The following FDX1 variants were observed in gnomAD, a reference collection of about 807,000 sequenced individuals.
FDX1 encodes the protein ferredoxin 1.
Under a neutral mutation model 14.9 loss-of-function variants are expected in FDX1, and 9 were observed. The ratio of observed to expected loss-of-function variants is 0.60; its 90% confidence interval spans 0.36 to 1.05. The LOEUF (loss-of-function observed/expected upper bound fraction) is 1.05, where lower values mean the gene tolerates loss of function less well. FDX1 is among the 50% of genes least tolerant of loss of function. FDX1 has a pLI of 0.01. For synonymous variants in FDX1, 92 were observed against 99.4 expected (o/e 0.93, Z 0.44); for missense variants, 204 against 237.2 (o/e 0.86, Z 0.92).
At chr11:110,456,095 T>C (rs922041478) in intron 2 of FDX1, among the ~76,000 whole-genome samples, 1 of 152,176 alleles carries the variant, frequency 6.6e-6, no homozygotes. Flanking sequence ...AGGATAAATA[T>C]TCTGATTATT....
chr11:110,452,238 T>C (rs1328928415), intron 2 of FDX1, among the ~76,000 whole-genome samples: 3 of 151,816 alleles, frequency 2.0e-5, no homozygotes, highest in Admixed American at 2.0e-4. Context: ...AAAAATAAAT[T>C]AGAGTTCATC....
At position 110,434,929 on chromosome 11, in the gene FDX1, A is replaced by AT. The variant is rs572794098; in HGVS notation, c.186-899dup. On this transcript the variant is annotated intron_variant, in intron 1 of 3. Transcript: ENST00000260270. Reference sequence around the variant, plus strand: ...CTACAACCATCTCATTTTTATTTTTATTTTTTGTAGCAATAGGGTCTCTCT... The same window carrying AT: ...CTACAACCATCTCATTTTTATTTTTATTTTTTTGTAGCAATAGGGTCTCTCT... Among the ~76,000 whole-genome samples the AT allele has an allele frequency of 4.5e-3, 684 of 150,902 alleles. 7 individuals carry two copies. Among genetic ancestry groups the AT allele is most frequent in the Middle Eastern group, 0.021 (6 of 292 alleles).
At position 110,457,038 on chromosome 11, in the gene FDX1, T is replaced by A. The variant is rs771660409; in HGVS notation, c.431T>A (p.Leu144Gln). The A allele has an allele frequency of 1.9e-6, 3 of 1,610,278 alleles. No individual in the cohort carries two copies. The highest frequency in any genetic ancestry group is 8.5e-7 in the Non-Finnish European group (1 of 1,177,674). Residue 144 changes from leucine to glutamine, a missense_variant, in exon 3 of 4, where the codon CTA becomes CAA. Physicochemically the swap from Leu to Gln is moderately radical, Grantham distance 113. Coordinates refer to ENST00000260270, the MANE Select transcript of FDX1 (RefSeq NM_004109.5). ...GACATGCTCGATCTGGCATATGGAC[T>A]AACAGACAGGTAAGATTTTTGGACT... ...ENDMLDLAYGLTDRSRLGCQI... is the reference protein window; with the variant it reads ...ENDMLDLAYGQTDRSRLGCQI...
chr11:110,429,818 A>C (rs959750898), upstream of FDX1: 5 of 257,744 alleles, frequency 1.9e-5, no homozygotes, highest in Admixed American at 1.6e-4. Flanking sequence ...TCCAGCTTAC[A>C]ACGGAACCTG....
chr11:110,430,923 C>T (rs57372707), intron 1 of FDX1, among the ~76,000 whole-genome samples: 1 of 152,234 alleles, frequency 6.6e-6, no homozygotes, highest in Non-Finnish European at 1.5e-5. Context: ...GGCTTTGGCA[C>T]TGATTGTCTG....
At chr11:110,431,101 TAGCAGCAGCAGCAGC>T (rs35673502) in intron 1 of FDX1, among the ~76,000 whole-genome samples, 37 of 151,110 alleles carry the variant, frequency 2.4e-4, no homozygotes, top group African/African-American at 3.2e-4. Context: ...TGCCACTTGG[TAGCAGCAGCAGCAGC>T]AGCAGCAGCA....
chr11:110,448,734 A>G (rs1296487028), intron 2 of FDX1, among the ~76,000 whole-genome samples: 1 of 152,212 alleles, frequency 6.6e-6, no homozygotes, highest in Non-Finnish European at 1.5e-5. Context: ...ATGTCATTTT[A>G]TATGCATATA....
At chr11:110,429,862 C>T (rs1282471106), upstream of FDX1, 3 of 315,578 alleles carry the variant, frequency 9.5e-6, no homozygotes, top group African/African-American at 2.2e-5. Flanking sequence ...GCTGGCCCCG[C>T]CCCATGGGAC....
chr11:110,445,405 GT>G (rs71057009), intron 2 of FDX1, among the ~76,000 whole-genome samples: 46,149 of 151,830 alleles, frequency 0.3, 7,257 homozygotes, highest in East Asian at 0.39. Context: ...TTACAGTACA[GT>G]TTTTTTTAAA....
At chr11:110,452,249 A>C (rs1405308368) in intron 2 of FDX1, among the ~76,000 whole-genome samples, 1 of 152,032 alleles carries the variant, frequency 6.6e-6, no homozygotes, top group Non-Finnish European at 1.5e-5. Context: ...AGAGTTCATC[A>C]AAATTAAAAA....
At chr11:110,441,980 T>C (rs540955749) in intron 2 of FDX1, among the ~76,000 whole-genome samples, 6 of 152,326 alleles carry the variant, frequency 3.9e-5, no homozygotes, top group African/African-American at 1.4e-4. Context: ...GTCCCAGCTG[T>C]GGCTGAAAGG....
chr11:110,457,540 AGTGGTGAGAT>A (rs1020671431), intron 3 of FDX1, among the ~76,000 whole-genome samples: 46 of 152,284 alleles, frequency 3.0e-4, no homozygotes, highest in African/African-American at 1.1e-3. Flanking sequence ...TACTCTTAAA[AGTGGTGAGAT>A]TTACAGTAGC....
At chr11:110,444,727 T>C (rs1415708652) in intron 2 of FDX1, among the ~76,000 whole-genome samples, 1 of 62,342 alleles carries the variant, frequency 1.6e-5, no homozygotes, top group Admixed American at 2.0e-4. Context: ...TATATACGTA[T>C]ATATATATAT....
intron 2 of FDX1, among the ~76,000 whole-genome samples, chr11:110,442,379 C>T (rs1276603049): frequency 6.6e-6 from 1 of 152,232 alleles, no homozygotes; most frequent in Non-Finnish European, 1.5e-5. Flanking sequence ...CCCATGAAAG[C>T]AGCCAGGAGG....
At chr11:110,432,059 A>C (rs1025817695) in intron 1 of FDX1, among the ~76,000 whole-genome samples, 4 of 152,196 alleles carry the variant, frequency 2.6e-5, no homozygotes, top group Admixed American at 2.6e-4. Context: ...TGGCTACTGT[A>C]TTGGACATTG....
chr11:110,438,674 C>A (rs1047345722), intron 2 of FDX1, among the ~76,000 whole-genome samples: 1 of 152,120 alleles, frequency 6.6e-6, no homozygotes, highest in Non-Finnish European at 1.5e-5. Flanking sequence ...GCCGCATTGA[C>A]CAGGCTGGTC....
At chr11:110,443,067 C>T (rs1946415475) in intron 2 of FDX1, among the ~76,000 whole-genome samples, 1 of 152,212 alleles carries the variant, frequency 6.6e-6, no homozygotes, top group Non-Finnish European at 1.5e-5. Context: ...TGTGAGGCTT[C>T]CCCAGCCATT....
rs555588483 is a variant in FDX1 at position 110,443,274 on chromosome 11, G to A, written c.310+7316G>A. On this transcript the variant is annotated intron_variant, in intron 2 of 3. Transcript: ENST00000260270. ...TTCATCTTTACCCCTGCCCTGCCCC[G>A]CTACCTTTTTTTTTTCTGTAGGAAA... Among the ~76,000 whole-genome samples the A allele has an allele frequency of 2.7e-5, 4 of 147,946 alleles. No individual in the cohort carries two copies. In the South Asian group the frequency reaches 6.5e-4, roughly 24 times the overall value.
rs757253507 is a variant in FDX1, at chr11:110,435,820, G to GT, written c.186-5dup. ...AAATTACTAAAAATACTAAAGGACT[G>GT]TTTTTTTTTCCAGCTCAGAAGATAA... On this transcript the variant is annotated splice_polypyrimidine_tract_variant and intron_variant, in intron 1 of 3. Coordinates refer to ENST00000260270, the MANE Select transcript of FDX1 (RefSeq NM_004109.5). The GT allele has an allele frequency of 1.5e-3, 2,252 of 1,523,152 alleles. No individual in the cohort carries two copies. The highest frequency in any genetic ancestry group is 1.6e-3 in the Non-Finnish European group (1,820 of 1,118,858). 94.4% of individuals were successfully genotyped at this position (1,523,152 alleles called of 1,614,324 possible). A position where few individuals can be genotyped will look rare whatever the true frequency, so the allele number is the denominator to read the frequency against.
Sources: allele counts gnomAD v4.1 joint callset (sites outside exome capture counted in the v4.1 genomes callset), GRCh38; gene constraint gnomAD v4.1.1; transcripts MANE v1.5; gene names NCBI Gene and HGNC (gene_info 2026-07-23, HGNC 2026-07-21).